Variants in WNT7A observed in about 807,000 individuals in gnomAD.
WNT7A encodes protein Wnt-7a.
WNT7A carries 16 observed loss-of-function variants against 28.2 expected under a neutral mutation model. The ratio of observed to expected loss-of-function variants is 0.57; its 90% confidence interval spans 0.38 to 0.86. WNT7A has a LOEUF of 0.86. Ranked by LOEUF, WNT7A falls within the 40% of genes least tolerant of loss-of-function variation. The probability of loss-of-function intolerance (pLI) is 0.00; values close to 1 mark genes in which losing one functional copy is unlikely to be tolerated. For missense variants in WNT7A, 411 were observed against 489.7 expected, an observed-to-expected ratio of 0.84 and a Z score of 1.52; for synonymous variants, 190 against 195.9, an observed-to-expected ratio of 0.97 and a Z score of 0.25.
chr3:13,875,291 T>G, intron 1 of WNT7A, 118 bp from the exon 2 acceptor site: 1 of 979,396 alleles, frequency 1.0e-6, no homozygotes, highest in East Asian at 2.6e-5. Flanking sequence ...GTCTCCCAAC[T>G]TTTTTGATCC....
intron 3 of WNT7A, among the ~76,000 whole-genome samples, chr3:13,853,631 C>T (rs960228124): frequency 5.3e-4 from 80 of 152,346 alleles, no homozygotes; most frequent in Admixed American, 7.2e-4. Flanking sequence ...CTGACAGTTC[C>T]CAGTGTCTGT....
chr3:13,825,981 C>T (rs367654827), intron 3 of WNT7A, among the ~76,000 whole-genome samples: 4 of 152,238 alleles, frequency 2.6e-5, no homozygotes, highest in Admixed American at 6.5e-5. Flanking sequence ...TGAAATCCCC[C>T]GCCTCTGATG....
intron 3 of WNT7A, among the ~76,000 whole-genome samples, chr3:13,825,872 T>A (rs1471010947): frequency 6.6e-6 from 1 of 152,240 alleles, no homozygotes; most frequent in South Asian, 2.1e-4. Flanking sequence ...TATTCCTTTA[T>A]ACAGATCCCC....
chr3:13,874,869 T>C, intron 2 of WNT7A, 78 bp downstream of exon 2: 5 of 1,462,148 alleles, frequency 3.4e-6, no homozygotes, highest in Non-Finnish European at 4.7e-6. Context: ...GGTGAGGGAG[T>C]TCCAGAGGGC....
chr3:13,870,979 A>C (rs1695018963), intron 2 of WNT7A, among the ~76,000 whole-genome samples: 1 of 152,198 alleles, frequency 6.6e-6, no homozygotes. Context: ...AGCTCTATGC[A>C]GGAAAACTGA....
intron 2 of WNT7A, among the ~76,000 whole-genome samples, chr3:13,872,264 A>G (rs997425588): frequency 6.6e-6 from 1 of 152,182 alleles, no homozygotes; most frequent in South Asian, 2.1e-4. Flanking sequence ...TCCTATTCCT[A>G]TTAGGGGCTA....
At chr3:13,863,416 GTA>G (rs56075278) in intron 2 of WNT7A, among the ~76,000 whole-genome samples, 149,504 of 151,900 alleles carry the variant, frequency 0.98, 73,554 homozygotes, top group Middle Eastern at 1. Flanking sequence ...GTGTGTATGT[GTA>G]TATGTGTGTG....
intron 3 of WNT7A, among the ~76,000 whole-genome samples, chr3:13,839,214 A>T (rs893119809): frequency 2.0e-5 from 3 of 152,132 alleles, no homozygotes; most frequent in African/African-American, 7.2e-5. Context: ...CATCCACATC[A>T]CCTGGAAACT....
chr3:13,865,545 G>A (rs1694897413), intron 2 of WNT7A, among the ~76,000 whole-genome samples: 1 of 152,222 alleles, frequency 6.6e-6, no homozygotes, highest in Non-Finnish European at 1.5e-5. Flanking sequence ...CAATGAAAAT[G>A]TGCAGACATG....
At chr3:13,868,494 A>C (rs1277910724) in intron 2 of WNT7A, among the ~76,000 whole-genome samples, 1 of 148,770 alleles carries the variant, frequency 6.7e-6, no homozygotes, top group African/African-American at 2.5e-5. Context: ...GAACGAAAGA[A>C]AGAAAGAAAG....
At chr3:13,826,731 G>A (rs1171357312) in intron 3 of WNT7A, among the ~76,000 whole-genome samples, 1 of 152,082 alleles carries the variant, frequency 6.6e-6, no homozygotes, top group African/African-American at 2.4e-5. Flanking sequence ...AGCCAGAAGA[G>A]GGCTAAACAT....
intron 1 of WNT7A, among the ~76,000 whole-genome samples, chr3:13,878,643 T>C (rs1695152521): frequency 6.6e-6 from 1 of 151,996 alleles, no homozygotes; most frequent in South Asian, 2.1e-4. Context: ...AGGGGGGTAG[T>C]AGTGACAAAA....
intron 3 of WNT7A, among the ~76,000 whole-genome samples, chr3:13,834,632 C>T (rs1211080198): frequency 6.6e-6 from 1 of 152,146 alleles, no homozygotes; most frequent in Non-Finnish European, 1.5e-5. Context: ...TGCCTCTGGG[C>T]CTTTGCACCT....
At chr3:13,847,552 G>A (rs943660502) in intron 3 of WNT7A, among the ~76,000 whole-genome samples, 1 of 152,144 alleles carries the variant, frequency 6.6e-6, no homozygotes, top group Non-Finnish European at 1.5e-5. Flanking sequence ...CGAGGCCACC[G>A]TCCTTGACAG....
rs897731703 is a variant in WNT7A at position 13,817,859 on chromosome 3, A to G, written c.*1085T>C. 1 of 152,160 alleles carries G rather than the reference A, an allele frequency of 6.6e-6. No homozygotes were observed. Among genetic ancestry groups the G allele is most frequent in the Non-Finnish European group, 1.5e-5 (1 of 68,040 alleles). The allele number at this position is 152,160 out of a possible 1,614,324, so 9.4% of individuals were successfully genotyped here. A position where few individuals can be genotyped will look rare whatever the true frequency, so the allele number is the denominator to read the frequency against. On this transcript the variant is annotated 3_prime_UTR_variant, in exon 4 of 4. Coordinates refer to ENST00000285018, the MANE Select transcript of WNT7A (RefSeq NM_004625.4). ...GCTACCACTCAGTGGCCCTGCTTGA[A>G]AGGCCTGAGCTTAACAGGCTGAGGC...
At chr3:13,858,052 C>T (rs993276221) in intron 2 of WNT7A, among the ~76,000 whole-genome samples, 3 of 152,170 alleles carry the variant, frequency 2.0e-5, no homozygotes, top group Admixed American at 6.5e-5. Flanking sequence ...CTTTTACAAT[C>T]GAAGACACAA....
In WNT7A at chr3:13,879,872, C is replaced by A; in HGVS notation, c.-56G>T. On this transcript the variant is annotated 5_prime_UTR_variant, in exon 1 of 4. Coordinates refer to ENST00000285018, the MANE Select transcript of WNT7A (RefSeq NM_004625.4). Reference sequence around the variant, plus strand: ...GGGCTGTGCTGATCCCGCGGGCCGGCCCCGGCGGGGCAATCAACATAGCCC... The same window carrying A: ...GGGCTGTGCTGATCCCGCGGGCCGGACCCGGCGGGGCAATCAACATAGCCC... The A allele has an allele frequency of 3.4e-6, 5 of 1,467,104 alleles. No homozygotes were observed. The South Asian group carries it at 6.8e-5, about 20-fold the overall frequency. The allele number at this position is 1,467,104 out of a possible 1,614,324, so 90.9% of individuals were successfully genotyped here.
chr3:13,864,648 T>A (rs992530762), intron 2 of WNT7A, among the ~76,000 whole-genome samples: 1 of 152,220 alleles, frequency 6.6e-6, no homozygotes, highest in African/African-American at 2.4e-5. Flanking sequence ...CTAGTAAATA[T>A]CTGTGGGATG....
chr3:13,867,702 C>T (rs1181401926), intron 2 of WNT7A, among the ~76,000 whole-genome samples: 1 of 152,222 alleles, frequency 6.6e-6, no homozygotes, highest in African/African-American at 2.4e-5. Flanking sequence ...TGGTCTAACC[C>T]TGGTTTCCCT....
Sources: allele counts gnomAD v4.1 joint callset (sites outside exome capture counted in the v4.1 genomes callset), GRCh38; gene constraint gnomAD v4.1.1; transcripts MANE v1.5; gene names NCBI Gene and HGNC (gene_info 2026-07-23, HGNC 2026-07-21).